The following IL16 variants were observed in gnomAD, a reference collection of about 807,000 sequenced individuals.
The protein encoded by IL16 is pro-interleukin-16.
Under a neutral mutation model 110.1 loss-of-function variants are expected in IL16, and 67 were observed. That is an observed-to-expected ratio of 0.61 (90% CI 0.50 to 0.75). IL16 has a LOEUF of 0.75. Ranked by LOEUF, IL16 falls within the 30% of genes least tolerant of loss-of-function variation. The pLI is 0.00. For synonymous variants in IL16, 689 were observed against 662.9 expected (o/e 1.04, Z -0.61); for missense variants, 1,545 against 1,655.0 (o/e 0.93, Z 1.15).
chr15:81,259,922 T>C, intron 3 of IL16, 42 bp downstream of exon 3: 3 of 1,238,634 alleles, frequency 2.4e-6, no homozygotes, highest in Non-Finnish European at 3.6e-6. Flanking sequence ...AGAGCTCAGC[T>C]GTTCCTGGAT....
At chr15:81,255,278 A>G (rs1421483296) in intron 2 of IL16, among the ~76,000 whole-genome samples, 1 of 152,186 alleles carries the variant, frequency 6.6e-6, no homozygotes, top group Non-Finnish European at 1.5e-5. Context: ...TCGAGATAGA[A>G]CATTTCTATT....
At position 81,244,255 on chromosome 15, in the gene IL16, T is replaced by C. The variant is rs556260134; in HGVS notation, c.313-15517T>C. Among the ~76,000 whole-genome samples the C allele has an allele frequency of 1.6e-3, 245 of 152,306 alleles. 1 individual carries two copies. The highest frequency in any genetic ancestry group is 6.8e-3 in the Middle Eastern group (2 of 294). On this transcript the variant is annotated intron_variant, in intron 2 of 18. Transcript: ENST00000683961. The stretch of plus-strand genomic sequence containing the variant: ...AACTCAAGAGAAGAAAAGTCTATTG[T>C]ATTTACTCATATTTTGTTTGCCATG...
rs757407392 is a variant in IL16 at position 81,293,018 on chromosome 15, C to A, written c.1883C>A (p.Thr628Asn). The A allele has an allele frequency of 1.4e-5, 22 of 1,607,960 alleles. No homozygotes were observed. The part of the protein sequence containing the change: ...RENSSCSSGH[T>N]PPTCGQEARE... ...AACTCCTCATGCTCTTCTGGGCACA[C>A]CCCACCCACCTGTGGCCAGGTAAGA... The change falls in exon 12 of 19, where the codon ACC becomes AAC. Residue 628 changes from threonine to asparagine, a missense_variant. Transcript: ENST00000683961.
chr15:81,183,212 T>C (rs1378314619), intron 1 of IL16, among the ~76,000 whole-genome samples: 1 of 152,136 alleles, frequency 6.6e-6, no homozygotes, highest in Non-Finnish European at 1.5e-5. Flanking sequence ...GCCAGGGCAA[T>C]GGTTTTCCAT....
At chr15:81,279,386 T>C (rs539863623) in intron 7 of IL16, among the ~76,000 whole-genome samples, 172 bp from the exon 8 acceptor site, 58 of 152,360 alleles carry the variant, frequency 3.8e-4, no homozygotes, top group African/African-American at 1.3e-3. Context: ...ATATAGTAGT[T>C]GTGTGTATAT....
Position 81,265,785 on chromosome 15 carries a change from C to A in IL16, c.548C>A (p.Pro183Gln), listed in dbSNP as rs1352768392. The change falls in exon 4 of 19, where the codon CCA (proline) becomes CAA (glutamine). Residue 183 changes from proline (P) to glutamine (Q), a missense_variant. By Grantham distance (76) the Pro-to-Gln change is moderately conservative. Transcript: ENST00000683961. ...RKSLSQQLDCPAGKAAGTSRP... is the reference protein window; with the variant it reads ...RKSLSQQLDCQAGKAAGTSRP... ...TCCCTCTCTCAACAATTGGACTGTCCAGCAGGAAAGGCTGCGGTAAGAATG... is the reference window on the plus strand; with the variant it reads ...TCCCTCTCTCAACAATTGGACTGTCAAGCAGGAAAGGCTGCGGTAAGAATG... 3 of 1,612,514 alleles carry A rather than the reference C, an allele frequency of 1.9e-6. No homozygotes were observed. Among genetic ancestry groups the A allele is most frequent in the Non-Finnish European group, 2.5e-6 (3 of 1,179,320 alleles).
chr15:81,264,717 G>A (rs575344645), intron 3 of IL16, among the ~76,000 whole-genome samples: 171 of 132,272 alleles, frequency 1.3e-3, no homozygotes, highest in Non-Finnish European at 2.3e-3. Flanking sequence ...TTGAGCACTT[G>A]AAATGTGACT....
chr15:81,306,927 T>TA (rs1344369911), intron 18 of IL16: 8 of 307,602 alleles, frequency 2.6e-5, no homozygotes, highest in South Asian at 2.9e-5. Flanking sequence ...AAATTAATTT[T>TA]AAAAAAACAT....
At position 81,296,910 on chromosome 15, in the gene IL16, T is replaced by C; in HGVS notation, c.1903-18T>C. On this transcript the variant is annotated intron_variant, in intron 12 of 18. Coordinates refer to ENST00000683961, the MANE Select transcript of IL16 (RefSeq NM_172217.5). ...GGCTACCGTTTTGACATGGTCTCGCTTCCTGTTTACACCACAGGAAGCGAG... is the reference window on the plus strand; with the variant it reads ...GGCTACCGTTTTGACATGGTCTCGCCTCCTGTTTACACCACAGGAAGCGAG... 6.3e-7 allele frequency: 1 copy of C among 1,585,052 alleles called. No individual in the cohort carries two copies.
intron 1 of IL16, among the ~76,000 whole-genome samples, chr15:81,197,709 TG>T (rs1160216214): frequency 6.6e-6 from 1 of 151,794 alleles, no homozygotes; most frequent in Non-Finnish European, 1.5e-5. Flanking sequence ...GGTGTTTTTT[TG>T]TTTTTGTTTT....
upstream of IL16, among the ~76,000 whole-genome samples, chr15:81,195,605 G>A (rs184446191): frequency 7.9e-5 from 12 of 152,182 alleles, no homozygotes; most frequent in Non-Finnish European, 4.4e-5. Flanking sequence ...TTCTCCAGCA[G>A]CAGCGGCTAG....
At chr15:81,263,346 A>ATTTTTT (rs10717016) in intron 3 of IL16, among the ~76,000 whole-genome samples, 5 of 109,788 alleles carry the variant, frequency 4.6e-5, no homozygotes, top group African/African-American at 4.7e-5. Flanking sequence ...TTCAAAAACT[A>ATTTTTT]TTTTTTTTTG....
intron 1 of IL16, among the ~76,000 whole-genome samples, chr15:81,215,467 G>A (rs147054098): frequency 6.6e-6 from 1 of 152,320 alleles, no homozygotes; most frequent in African/African-American, 2.4e-5. Context: ...TAGGCTGATA[G>A]CCAGTCACAC....
At chr15:81,244,741 G>A (rs1344772513) in intron 2 of IL16, among the ~76,000 whole-genome samples, 1 of 152,102 alleles carries the variant, frequency 6.6e-6, no homozygotes, top group Non-Finnish European at 1.5e-5. Context: ...AATTTGTGAA[G>A]TGCTCAGCCA....
In IL16 at chr15:81,303,386, C is replaced by T; in HGVS notation, c.3319-163C>T. ...TAAGCTTCCCATGACTCCTGAAGGT[C>T]CATTCTTTACAGATGAGGAAACTGA... On this transcript the variant is annotated intron_variant, in intron 15 of 18. Transcript: ENST00000683961. This position sits in a 1 kb window ranked among gnomAD's most constrained non-coding sequence, Gnocchi z 4.1. 1 of 588,484 alleles carries T rather than the reference C, an allele frequency of 1.7e-6. No individual in the cohort carries two copies. The highest frequency in any genetic ancestry group is 3.1e-6 in the Non-Finnish European group (1 of 326,614). The allele number at this position is 588,484 out of a possible 1,614,324, so 36.5% of individuals were successfully genotyped here. A position where few individuals can be genotyped will look rare whatever the true frequency, so the allele number is the denominator to read the frequency against.
intron 1 of IL16, among the ~76,000 whole-genome samples, chr15:81,222,609 C>T (rs1222071498): frequency 6.6e-6 from 1 of 152,020 alleles, no homozygotes; most frequent in Admixed American, 6.6e-5. Context: ...CATGGTCGCC[C>T]TCAGCATCCC....
In IL16 at chr15:81,265,680, G is replaced by C; in HGVS notation, c.443G>C (p.Arg148Thr). 1 of 1,614,054 alleles carries C rather than the reference G, an allele frequency of 6.2e-7. No individual in the cohort carries two copies. The highest frequency in any genetic ancestry group is 8.5e-7 in the Non-Finnish European group (1 of 1,179,954). Residue 148 changes from arginine to threonine, a missense_variant, in exon 4 of 19, where the codon AGA (arginine) becomes ACA (threonine). Physicochemically the swap from Arg to Thr is moderately conservative, Grantham distance 71. Transcript: ENST00000683961. ...NSTSVNPYCT[R>T]EIDFPMTKKS... ...TTAGGTGTTAATCCCTATTGCACAA[G>C]AGAAATTGATTTTCCAATGACCAAG...
intron 9 of IL16, 83 bp from the exon 10 acceptor site, chr15:81,285,615 C>A: frequency 6.9e-7 from 1 of 1,457,882 alleles, no homozygotes; most frequent in Non-Finnish European, 9.4e-7. Context: ...AACAGCCCAG[C>A]CAGGAGTGGG....
intron 1 of IL16, among the ~76,000 whole-genome samples, chr15:81,223,969 A>G (rs923723062): frequency 3.2e-4 from 49 of 152,360 alleles, no homozygotes; most frequent in African/African-American, 1.2e-3. Flanking sequence ...GATAAAATGG[A>G]TCAAAACCGA....
Sources: gnomAD v4.1 joint callset for allele counts (sites outside exome capture counted in the v4.1 genomes callset) on GRCh38, gnomAD v4.1.1 for gene constraint, Gnocchi (gnomAD v3.1) non-coding constraint, MANE v1.5 for transcripts, NCBI Gene and HGNC (gene_info 2026-07-23, HGNC 2026-07-21) for gene names.